Variants in GPC6 observed in about 807,000 individuals in gnomAD.
GPC6 encodes glypican 6.
GPC6 carries 14 observed loss-of-function variants against 55.2 expected under a neutral mutation model. That is an observed-to-expected ratio of 0.25 (90% confidence interval 0.17 to 0.40). GPC6 has a LOEUF of 0.40. Ranked by LOEUF, GPC6 falls within the 10% of genes least tolerant of loss-of-function variation. GPC6 has a pLI of 1.00. For synonymous variants in GPC6, 278 were observed against 259.6 expected (o/e 1.07, Z -0.68); for missense variants, 641 against 708.5 (o/e 0.90, Z 1.08).
At chr13:94,224,252 T>C (rs1356300957) in intron 4 of GPC6, among the ~76,000 whole-genome samples, 1 of 31,860 alleles carries the variant, frequency 3.1e-5, no homozygotes. Context: ...GTATATCATC[T>C]TTAAATATAT....
intron 3 of GPC6, among the ~76,000 whole-genome samples, chr13:93,959,535 A>G (rs187103614): frequency 6.6e-6 from 1 of 152,302 alleles, no homozygotes. Context: ...TGTCGAACAG[A>G]AGTGGCGCAT....
At chr13:93,269,347 G>A (rs1384305391) in intron 1 of GPC6, among the ~76,000 whole-genome samples, 1 of 152,066 alleles carries the variant, frequency 6.6e-6, no homozygotes, top group African/African-American at 2.4e-5. Context: ...TTTGAAATCA[G>A]TATCCACCTG....
At chr13:94,123,344 C>A (rs565197768) in intron 4 of GPC6, among the ~76,000 whole-genome samples, 1 of 151,998 alleles carries the variant, frequency 6.6e-6, no homozygotes, top group Non-Finnish European at 1.5e-5. Flanking sequence ...AACCAAAACA[C>A]TTTGTTAAAT....
chr13:93,304,109 G>A (rs1326680860), intron 1 of GPC6, among the ~76,000 whole-genome samples: 3 of 151,938 alleles, frequency 2.0e-5, no homozygotes, highest in African/African-American at 4.8e-5. Context: ...CTTGTGATCC[G>A]CCTGCCTCGG....
chr13:93,514,828 C>T (rs777088869), intron 1 of GPC6, among the ~76,000 whole-genome samples: 25 of 152,044 alleles, frequency 1.6e-4, no homozygotes, highest in Admixed American at 1.2e-3. Context: ...CTGTATTGGA[C>T]GTAGAGTCGT....
At position 94,398,522 on chromosome 13, in the gene GPC6, T is replaced by A; in HGVS notation, c.1346T>A (p.Val449Glu). The stretch of plus-strand genomic sequence containing the variant: ...ACCAACCAGATCAACAATCCCGAGG[T>A]GGATGTGGACATCACTCGGCCTGAC... ...GLTNQINNPE[V>E]DVDITRPDTF... The change falls in exon 8 of 9, where the codon GTG becomes GAG. Residue 449 changes from valine to glutamate, a missense_variant. Coordinates refer to ENST00000377047, the MANE Select transcript of GPC6 (RefSeq NM_005708.5). The A allele has an allele frequency of 1.2e-6, 2 of 1,613,368 alleles. No homozygotes were observed. Among genetic ancestry groups the A allele is most frequent in the Non-Finnish European group, 1.7e-6 (2 of 1,179,334 alleles).
chr13:93,557,771 T>C (rs1210749924), intron 2 of GPC6, among the ~76,000 whole-genome samples: 5 of 152,182 alleles, frequency 3.3e-5, no homozygotes, highest in Non-Finnish European at 5.9e-5. Flanking sequence ...ACTGAAGAAG[T>C]TTGGGGGCCA....
At chr13:93,565,117 C>T (rs1876030223) in intron 2 of GPC6, among the ~76,000 whole-genome samples, 1 of 151,838 alleles carries the variant, frequency 6.6e-6, no homozygotes, top group Non-Finnish European at 1.5e-5. Flanking sequence ...TTTTTTTCTC[C>T]CACTTGCCCC....
intron 1 of GPC6, among the ~76,000 whole-genome samples, chr13:93,357,693 A>G (rs9301870): frequency 0.13 from 19,136 of 152,118 alleles, 1,539 homozygotes; most frequent in East Asian, 0.37. Context: ...AAAATAGCCA[A>G]ACATGGTATT....
intron 4 of GPC6, among the ~76,000 whole-genome samples, chr13:94,199,680 C>A (rs1423296589): frequency 6.6e-6 from 1 of 152,138 alleles, no homozygotes; most frequent in Admixed American, 6.5e-5. Context: ...AATGGGTAGA[C>A]AATATATGTG....
At chr13:94,147,375 G>A (rs1340087604) in intron 4 of GPC6, among the ~76,000 whole-genome samples, 1 of 152,130 alleles carries the variant, frequency 6.6e-6, no homozygotes. Flanking sequence ...ATTACAGGAT[G>A]TTAGGCTCTA....
chr13:94,077,102 T>C (rs1348408190), intron 4 of GPC6, among the ~76,000 whole-genome samples: 1 of 151,778 alleles, frequency 6.6e-6, no homozygotes, highest in Non-Finnish European at 1.5e-5. Context: ...AGTATTAAGT[T>C]TGCTAATCAA....
chr13:93,607,533 A>C (rs2139534094), intron 2 of GPC6, among the ~76,000 whole-genome samples: 1 of 152,284 alleles, frequency 6.6e-6, no homozygotes, highest in South Asian at 2.1e-4. Flanking sequence ...GTATTCCTGC[A>C]GCACAGAAAC....
At chr13:93,590,186 GAGAT>G (rs1877396409) in intron 2 of GPC6, among the ~76,000 whole-genome samples, 1 of 152,180 alleles carries the variant, frequency 6.6e-6, no homozygotes, top group Non-Finnish European at 1.5e-5. Flanking sequence ...TTATAGTAAA[GAGAT>G]AGGAGTTTGC....
chr13:94,188,730 C>T (rs987494660), intron 4 of GPC6, among the ~76,000 whole-genome samples: 20 of 151,998 alleles, frequency 1.3e-4, no homozygotes, highest in Non-Finnish European at 1.3e-4. Context: ...CTTTAGGGAC[C>T]TCTGTATCTG....
intron 1 of GPC6, among the ~76,000 whole-genome samples, chr13:93,289,078 G>A (rs1032895626): frequency 6.6e-6 from 1 of 152,296 alleles, no homozygotes; most frequent in East Asian, 1.9e-4. Context: ...AGGGTTAAGA[G>A]TGACAATTGC....
At chr13:94,040,507 A>T (rs1341901115) in intron 4 of GPC6, among the ~76,000 whole-genome samples, 1 of 151,844 alleles carries the variant, frequency 6.6e-6, no homozygotes, top group Non-Finnish European at 1.5e-5. Flanking sequence ...CTCCCTAGTG[A>T]CTTGTGTCGA....
At chr13:93,339,862 G>T (rs1880180099) in intron 1 of GPC6, among the ~76,000 whole-genome samples, 1 of 151,982 alleles carries the variant, frequency 6.6e-6, no homozygotes, top group South Asian at 2.1e-4. Flanking sequence ...ACTTTTGAAA[G>T]GAGTATTAAT....
chr13:93,914,202 G>T (rs938931991), intron 3 of GPC6, among the ~76,000 whole-genome samples: 5 of 152,160 alleles, frequency 3.3e-5, no homozygotes, highest in Middle Eastern at 3.4e-3. Context: ...ATCTCCTAAT[G>T]CTATCCCTCC....
Sources: gnomAD v4.1 joint callset for allele counts (sites outside exome capture counted in the v4.1 genomes callset) on GRCh38, gnomAD v4.1.1 for gene constraint, MANE v1.5 for transcripts, NCBI Gene and HGNC (gene_info 2026-07-23, HGNC 2026-07-21) for gene names.